The following AUTS2 variants were observed in gnomAD, a reference collection of about 807,000 sequenced individuals.
The protein encoded by AUTS2 is activator of transcription and developmental regulator AUTS2.
Under a neutral mutation model 112.4 loss-of-function variants are expected in AUTS2, and 17 were observed. The observed-to-expected ratio is 0.15, with a 90% CI of 0.10 to 0.23. The LOEUF (loss-of-function observed/expected upper bound fraction) is 0.23, where lower values mean the gene tolerates loss of function less well. AUTS2 is among the 10% of genes least tolerant of loss of function. The pLI is 1.00. For synonymous variants in AUTS2, 751 were observed against 702.7 expected, an observed-to-expected ratio of 1.07 and a Z score of -1.09; for missense variants, 1,510 against 1,701.6, an observed-to-expected ratio of 0.89 and a Z score of 1.98.
At chr7:69,600,540 T>C (rs2129068397) in intron 1 of AUTS2, among the ~76,000 whole-genome samples, 1 of 134,044 alleles carries the variant, frequency 7.5e-6, no homozygotes, top group Admixed American at 7.3e-5. Context: ...CCCATATTCT[T>C]TTTTTTTTTT....
At chr7:70,733,905 C>T (rs1335598175) in intron 6 of AUTS2, among the ~76,000 whole-genome samples, 1 of 151,992 alleles carries the variant, frequency 6.6e-6, no homozygotes, top group African/African-American at 2.4e-5. Flanking sequence ...AGTTTTATCA[C>T]ATAAATCCAG....
chr7:70,604,823 G>A (rs2129530682), intron 5 of AUTS2, among the ~76,000 whole-genome samples: 1 of 152,310 alleles, frequency 6.6e-6, no homozygotes, highest in East Asian at 1.9e-4. Context: ...AAGGGAGGCT[G>A]GGAATTTAGG....
At chr7:70,570,890 A>G (rs971790098) in intron 5 of AUTS2, among the ~76,000 whole-genome samples, 1 of 129,258 alleles carries the variant, frequency 7.7e-6, no homozygotes, top group Non-Finnish European at 1.7e-5. Context: ...ATGTCTGTCC[A>G]CCATCTTGTA....
At chr7:70,431,482 C>T (rs1313362568) in intron 4 of AUTS2, among the ~76,000 whole-genome samples, 3 of 152,068 alleles carry the variant, frequency 2.0e-5, no homozygotes, top group African/African-American at 7.2e-5. Context: ...GTCTCCCTGG[C>T]TCAAGCGATT....
chr7:70,194,879 T>G (rs1189893431), intron 4 of AUTS2: 1 of 152,214 alleles, frequency 6.6e-6, no homozygotes, highest in Non-Finnish European at 1.5e-5. Context: ...CTGCTTTGAT[T>G]CTTTCCCACA....
chr7:70,724,072 A>G (rs1786862482), intron 6 of AUTS2, among the ~76,000 whole-genome samples: 1 of 151,942 alleles, frequency 6.6e-6, no homozygotes, highest in African/African-American at 2.4e-5. Context: ...TTGTGTTTTT[A>G]GTAGAGATGG....
intron 4 of AUTS2, among the ~76,000 whole-genome samples, chr7:70,283,591 A>G (rs537560126): frequency 6.9e-4 from 105 of 152,346 alleles, no homozygotes; most frequent in African/African-American, 2.4e-3. Context: ...CATATGCCAC[A>G]AGAGAATAAA....
At chr7:70,019,644 A>AC (rs779605121) in intron 2 of AUTS2, among the ~76,000 whole-genome samples, 2 of 152,086 alleles carry the variant, frequency 1.3e-5, no homozygotes, top group African/African-American at 2.4e-5. Context: ...TACCTTTGTC[A>AC]TTTTACTTAA....
intron 5 of AUTS2, among the ~76,000 whole-genome samples, chr7:70,587,343 T>C (rs144167412): frequency 5.4e-4 from 82 of 152,282 alleles, no homozygotes; most frequent in African/African-American, 1.8e-3. Context: ...TCCCGGAGTA[T>C]TGGGATTACA....
intron 1 of AUTS2, among the ~76,000 whole-genome samples, chr7:69,678,973 G>A (rs1046323979): frequency 1.3e-5 from 2 of 152,222 alleles, no homozygotes; most frequent in African/African-American, 4.8e-5. Flanking sequence ...GCAAAGGAAG[G>A]CCTGTCTCTA....
chr7:70,089,259 A>AT lies in AUTS2; in HGVS notation c.523-28865dup, dbSNP rs918731101. On this transcript the variant is annotated intron_variant, in intron 2 of 18. Transcript: ENST00000342771. Reference sequence around the variant, plus strand: ...TTGAAATCTCCAACTATAGTTATAGATTTTTTTTATTTCTCCTTTGAGTTC... The same window carrying AT: ...TTGAAATCTCCAACTATAGTTATAGATTTTTTTTTATTTCTCCTTTGAGTTC... 9.2e-5 allele frequency among the ~76,000 whole-genome samples: 14 copies of AT among 152,010 alleles called. 1 individual carries two copies. Among genetic ancestry groups the AT allele is most frequent in the Admixed American group, 1.3e-4 (2 of 15,254 alleles).
chr7:70,133,540 C>T (rs1394623968), intron 3 of AUTS2, among the ~76,000 whole-genome samples: 1 of 152,098 alleles, frequency 6.6e-6, no homozygotes, highest in Non-Finnish European at 1.5e-5. Context: ...ACTGTTGCAT[C>T]AGGGCAGAGG....
chr7:70,024,683 G>A (rs548765014), intron 2 of AUTS2, among the ~76,000 whole-genome samples: 1 of 152,148 alleles, frequency 6.6e-6, no homozygotes, highest in African/African-American at 2.4e-5. Context: ...TTAAGGAATT[G>A]GCTTACTTGA....
chr7:70,322,374 G>A (rs943305398), intron 4 of AUTS2, among the ~76,000 whole-genome samples: 8 of 152,124 alleles, frequency 5.3e-5, no homozygotes, highest in Non-Finnish European at 4.4e-5. Context: ...TGTCAAAAAG[G>A]GCCTTTATGC....
chr7:69,652,755 A>G (rs533401836), intron 1 of AUTS2, among the ~76,000 whole-genome samples: 3 of 152,276 alleles, frequency 2.0e-5, no homozygotes, highest in South Asian at 2.1e-4. Context: ...TAGACCATGT[A>G]GGTCTGAAAG....
chr7:69,795,177 T>C (rs1789784723), intron 1 of AUTS2, among the ~76,000 whole-genome samples: 1 of 152,228 alleles, frequency 6.6e-6, no homozygotes, highest in Admixed American at 6.5e-5. Context: ...ATGGTTACTA[T>C]TATTAATCAT....
At chr7:70,072,058 G>A (rs1802797699) in intron 2 of AUTS2, among the ~76,000 whole-genome samples, 1 of 152,100 alleles carries the variant, frequency 6.6e-6, no homozygotes, top group African/African-American at 2.4e-5. Flanking sequence ...TATAGAATTG[G>A]GAGAGAACAC....
intron 6 of AUTS2, among the ~76,000 whole-genome samples, chr7:70,714,641 T>G (rs560926492): frequency 6.6e-6 from 1 of 152,338 alleles, no homozygotes; most frequent in Admixed American, 6.5e-5. Context: ...TTCTTTCAAG[T>G]CATTGACTTG....
intron 4 of AUTS2, among the ~76,000 whole-genome samples, chr7:70,412,986 T>G (rs577702444): frequency 2.3e-4 from 35 of 152,216 alleles, no homozygotes; most frequent in African/African-American, 8.4e-4. Flanking sequence ...TGAGACTCCA[T>G]CCCAAAAAAT....
Sources: gnomAD v4.1 joint callset for allele counts (sites outside exome capture counted in the v4.1 genomes callset) on GRCh38, gnomAD v4.1.1 for gene constraint, MANE v1.5 for transcripts, NCBI Gene and HGNC (gene_info 2026-07-23, HGNC 2026-07-21) for gene names.